Variants in CADM2 observed in about 807,000 individuals in gnomAD.
The protein encoded by CADM2 is cell adhesion molecule 2.
A neutral mutation model predicts 49.8 loss-of-function variants in CADM2; 12 were observed. The ratio of observed to expected loss-of-function variants is 0.24; its 90% CI spans 0.15 to 0.39. CADM2 has a LOEUF of 0.39. Among genes scored for constraint, CADM2 ranks in the 10% least tolerant of loss-of-function variants. CADM2 has a pLI of 1.00. For synonymous variants in CADM2, 214 were observed against 175.4 expected, an observed-to-expected ratio of 1.22 and a Z score of -1.74; for missense variants, 378 against 492.3, an observed-to-expected ratio of 0.77 and a Z score of 2.20.
chr3:85,637,166 TA>T (rs2107538740), intron 1 of CADM2, among the ~76,000 whole-genome samples: 2 of 152,332 alleles, frequency 1.3e-5, no homozygotes, highest in African/African-American at 2.4e-5. Context: ...AAAAGTCATA[TA>T]TTTTTTGAAA....
At chr3:85,220,022 T>C (rs1341439340) in intron 1 of CADM2, among the ~76,000 whole-genome samples, 1 of 152,132 alleles carries the variant, frequency 6.6e-6, no homozygotes, top group Non-Finnish European at 1.5e-5. Flanking sequence ...TTAAAAATTG[T>C]GTATTTGTTT....
At chr3:85,551,767 C>G (rs73843650) in intron 1 of CADM2, among the ~76,000 whole-genome samples, 3 of 152,058 alleles carry the variant, frequency 2.0e-5, no homozygotes, top group Admixed American at 6.6e-5. Context: ...TCTGTACTCT[C>G]TTTTTCAAAA....
rs563996550 is a variant in CADM2, at chr3:85,256,496, G to A, written c.61+296828G>A. Among the ~76,000 whole-genome samples the A allele has an allele frequency of 3.3e-5, 5 of 152,174 alleles. No homozygotes were observed. The South Asian group carries it at 1.0e-3, about 32-fold the overall frequency. On this transcript the variant is annotated intron_variant, in intron 1 of 9. Transcript: ENST00000383699. Reference sequence around the variant, plus strand: ...TACAACTCTGAGGCCAAAGGGCGAAGCTAAACCAATAGAAAATGAATTTAT... The same window carrying A: ...TACAACTCTGAGGCCAAAGGGCGAAACTAAACCAATAGAAAATGAATTTAT...
chr3:85,098,818 A>G (rs1306700282), intron 1 of CADM2, among the ~76,000 whole-genome samples: 1 of 152,162 alleles, frequency 6.6e-6, no homozygotes, highest in Non-Finnish European at 1.5e-5. Flanking sequence ...GTTTGGTTGA[A>G]AAACAAATCC....
chr3:85,142,564 T>A (rs898454737), intron 1 of CADM2, among the ~76,000 whole-genome samples: 3 of 152,206 alleles, frequency 2.0e-5, no homozygotes, highest in African/African-American at 7.2e-5. Context: ...TTTGGATTAT[T>A]TTTATTGAAA....
At chr3:85,814,910 G>A (rs2108148327) in intron 3 of CADM2, among the ~76,000 whole-genome samples, 1 of 151,688 alleles carries the variant, frequency 6.6e-6, no homozygotes, top group Non-Finnish European at 1.5e-5. Context: ...CAGGTATATA[G>A]AATATTCTAT....
intron 1 of CADM2, among the ~76,000 whole-genome samples, chr3:85,639,504 C>A (rs908342874): frequency 6.6e-6 from 1 of 152,086 alleles, no homozygotes; most frequent in Non-Finnish European, 1.5e-5. Context: ...TCAGTCAACT[C>A]GTAGAATGCT....
intron 1 of CADM2, among the ~76,000 whole-genome samples, chr3:85,421,441 T>G (rs948091423): frequency 6.6e-6 from 1 of 152,188 alleles, no homozygotes; most frequent in African/African-American, 2.4e-5. Context: ...AGAAATTAAT[T>G]CATGCAGAAG....
chr3:85,503,482 T>C (rs550799010), intron 1 of CADM2, among the ~76,000 whole-genome samples: 1 of 152,222 alleles, frequency 6.6e-6, no homozygotes, highest in Non-Finnish European at 1.5e-5. Context: ...TTGCATTATT[T>C]TTCTTTATTT....
At chr3:85,242,512 T>G (rs1429537452) in intron 1 of CADM2, among the ~76,000 whole-genome samples, 1 of 151,676 alleles carries the variant, frequency 6.6e-6, no homozygotes, top group African/African-American at 2.4e-5. Flanking sequence ...TTTTAGAAAT[T>G]TAATCAAATA....
chr3:85,643,106 T>G (rs997658527), intron 1 of CADM2, among the ~76,000 whole-genome samples: 9 of 152,174 alleles, frequency 5.9e-5, no homozygotes, highest in Admixed American at 1.3e-4. Flanking sequence ...CATAGTTCAA[T>G]TTCTTGGCAG....
intron 1 of CADM2, among the ~76,000 whole-genome samples, chr3:85,375,284 C>A (rs2033523804): frequency 6.6e-6 from 1 of 152,146 alleles, no homozygotes; most frequent in South Asian, 2.1e-4. Flanking sequence ...GAAGCCAAAT[C>A]TATTTGATTC....
intron 1 of CADM2, among the ~76,000 whole-genome samples, chr3:85,644,042 A>G (rs1276240360): frequency 2.0e-5 from 3 of 152,162 alleles, no homozygotes; most frequent in Non-Finnish European, 4.4e-5. Flanking sequence ...GAAAGTGAGT[A>G]TACCCATGCA....
intron 1 of CADM2, among the ~76,000 whole-genome samples, chr3:85,454,877 A>C (rs2107576390): frequency 6.6e-6 from 1 of 152,354 alleles, no homozygotes; most frequent in South Asian, 2.1e-4. Context: ...TATGTTCTGT[A>C]AATGACAATT....
At chr3:85,855,349 A>G (rs546181391) in intron 3 of CADM2, among the ~76,000 whole-genome samples, 273 of 152,118 alleles carry the variant, frequency 1.8e-3, no homozygotes, top group African/African-American at 6.4e-3. Flanking sequence ...AGCCTAACAA[A>G]TAAAATATGC....
intron 8 of CADM2, among the ~76,000 whole-genome samples, chr3:86,065,338 G>C (rs1029151574): frequency 6.6e-6 from 1 of 152,128 alleles, no homozygotes; most frequent in Non-Finnish European, 1.5e-5. Context: ...AAGGTCTATA[G>C]CTATACAAAA....
chr3:85,484,503 T>C (rs769371014), intron 1 of CADM2, among the ~76,000 whole-genome samples: 6 of 151,976 alleles, frequency 3.9e-5, no homozygotes, highest in Non-Finnish European at 7.4e-5. Context: ...GAATTAAATT[T>C]GTATTCTATA....
At position 85,711,646 on chromosome 3, in the gene CADM2, G is replaced by A. The variant is rs531916430; in HGVS notation, c.62-14876G>A. On this transcript the variant is annotated intron_variant, in intron 1 of 9. Transcript: ENST00000383699. ...TTTGAAAACATCTTTCCTTCAAGGC[G>A]ATCCCATTAACAAGTGAAGATAAAA... Among the ~76,000 whole-genome samples the A allele has an allele frequency of 9.9e-5, 15 of 151,962 alleles. No homozygotes were observed. The South Asian group carries it at 2.7e-3, about 27-fold the overall frequency.
intron 8 of CADM2, among the ~76,000 whole-genome samples, chr3:85,962,066 G>A (rs1724896404): frequency 6.6e-6 from 1 of 151,778 alleles, no homozygotes; most frequent in African/African-American, 2.4e-5. Flanking sequence ...CTCCTGAGTA[G>A]CTGGGATTAC....
Sources: allele counts gnomAD v4.1 joint callset (sites outside exome capture counted in the v4.1 genomes callset), GRCh38; gene constraint gnomAD v4.1.1; transcripts MANE v1.5; gene names NCBI Gene and HGNC (gene_info 2026-07-23, HGNC 2026-07-21).